GALNT1: variants seen among roughly 807,000 people sequenced by gnomAD.
The protein encoded by GALNT1 is GalNAc transferase 1.
Under a neutral mutation model 65.7 loss-of-function variants are expected in GALNT1, and 17 were observed. That is an observed-to-expected ratio of 0.26 (90% confidence interval 0.18 to 0.39). The LOEUF is 0.39. Among genes scored for constraint, GALNT1 ranks in the 10% least tolerant of loss-of-function variants. GALNT1 has a pLI of 1.00. For missense variants in GALNT1, 460 were observed against 672.8 expected (o/e 0.68, Z 3.50); for synonymous variants, 210 against 219.7 (o/e 0.96, Z 0.39).
At chr18:35,660,898 G>A (rs985574955) in intron 2 of GALNT1, among the ~76,000 whole-genome samples, 1 of 152,024 alleles carries the variant, frequency 6.6e-6, no homozygotes, top group Non-Finnish European at 1.5e-5. Flanking sequence ...TTTAAATGTG[G>A]CTCTGAAATT....
chr18:35,658,545 T>C lies in GALNT1; in HGVS notation c.139+3744T>C, dbSNP rs560725138. ...TAGGTGCTGAGAGGTCTTAAGTCTT[T>C]TCAGAGCCCAGAGGTTGTTAAGGTT... On this transcript the variant is annotated intron_variant, in intron 2 of 11. Coordinates refer to ENST00000269195, the MANE Select transcript of GALNT1 (RefSeq NM_020474.4). 6.6e-5 allele frequency among the ~76,000 whole-genome samples: 10 copies of C among 152,240 alleles called. No individual in the cohort carries two copies. The East Asian group carries it at 1.7e-3, about 26-fold the overall frequency.
At position 35,687,333 on chromosome 18, in the gene GALNT1, G is replaced by A. The variant is rs543322413; in HGVS notation, c.860+147G>A. 6.2e-5 allele frequency: 43 copies of A among 688,854 alleles called. 1 individual carries two copies. The South Asian group carries it at 1.4e-3, about 22-fold the overall frequency. 42.7% of individuals were successfully genotyped at this position (688,854 alleles called of 1,614,324 possible). ...TAGTTAACAGCCATCTTTCACATAT[G>A]TGAGTGTTTTAAAGAAGGATTTCTC... On this transcript the variant is annotated intron_variant, in intron 6 of 11. Transcript: ENST00000269195.
intron 10 of GALNT1, 51 bp from the exon 11 acceptor site, chr18:35,703,458 A>G: frequency 6.4e-7 from 1 of 1,559,640 alleles, no homozygotes; most frequent in South Asian, 1.1e-5. Flanking sequence ...GGCATTTAAA[A>G]TGCTGACTAA....
At chr18:35,667,782 C>T (rs1157318384) in intron 3 of GALNT1, among the ~76,000 whole-genome samples, 1 of 152,098 alleles carries the variant, frequency 6.6e-6, no homozygotes, top group East Asian at 1.9e-4. Flanking sequence ...TCTTCAGTTC[C>T]CTGTCCTGTG....
At chr18:35,581,577 C>CT (rs2046314594), upstream of GALNT1, among the ~76,000 whole-genome samples, 1 of 138,258 alleles carries the variant, frequency 7.2e-6, no homozygotes, top group Non-Finnish European at 1.6e-5. Context: ...CCCAAGTGAG[C>CT]GGGCAGGCGG....
intron 3 of GALNT1, among the ~76,000 whole-genome samples, chr18:35,668,070 T>C (rs2047574455): frequency 6.6e-6 from 1 of 152,194 alleles, no homozygotes; most frequent in South Asian, 2.1e-4. Context: ...TAGGTGATAA[T>C]ATATACCTTT....
chr18:35,693,472 G>A (rs1050700817), intron 9 of GALNT1, among the ~76,000 whole-genome samples: 6 of 152,190 alleles, frequency 3.9e-5, no homozygotes, highest in Admixed American at 1.3e-4. Context: ...GGAAGCTATC[G>A]AAAGATACCA....
chr18:35,669,741 ATGT>A lies in GALNT1; in HGVS notation c.314+5943_314+5945del, dbSNP rs532392825. Among the ~76,000 whole-genome samples the A allele has an allele frequency of 8.5e-4, 129 of 152,300 alleles. No individual in the cohort carries two copies. The Middle Eastern group carries it at 0.024, about 28-fold the overall frequency. ...CAGCAAATATCTATATTTAATAATA[ATGT>A]TGTAAGCTTTCCCTTTGAGATCTGG... On this transcript the variant is annotated intron_variant, in intron 3 of 11. Coordinates refer to ENST00000269195, the MANE Select transcript of GALNT1 (RefSeq NM_020474.4).
chr18:35,638,486 A>G (rs1469668186), intron 1 of GALNT1, among the ~76,000 whole-genome samples: 1 of 150,084 alleles, frequency 6.7e-6, no homozygotes, highest in African/African-American at 2.5e-5. Context: ...ACACAGCCCC[A>G]GCAGTCCTGC....
At chr18:35,642,569 G>A (rs966062212) in intron 1 of GALNT1, among the ~76,000 whole-genome samples, 1 of 152,138 alleles carries the variant, frequency 6.6e-6, no homozygotes, top group African/African-American at 2.4e-5. Context: ...GTGTTGTGTT[G>A]TGATCATTTA....
chr18:35,678,641 C>T (rs2047745635), intron 4 of GALNT1, among the ~76,000 whole-genome samples: 2 of 152,130 alleles, frequency 1.3e-5, no homozygotes, highest in African/African-American at 4.8e-5. Context: ...TTCCTGTGTT[C>T]GCATGAGAAA....
chr18:35,651,504 C>T (rs560605682), intron 1 of GALNT1, among the ~76,000 whole-genome samples: 32 of 152,156 alleles, frequency 2.1e-4, no homozygotes, highest in Admixed American at 1.3e-3. Context: ...GACATTGTTA[C>T]TATATTACTT....
intron 4 of GALNT1, among the ~76,000 whole-genome samples, chr18:35,680,899 A>G (rs1443220402): frequency 1.3e-5 from 2 of 152,192 alleles, no homozygotes; most frequent in African/African-American, 4.8e-5. Flanking sequence ...AGTTTATGTC[A>G]GAAGTTATGT....
intron 9 of GALNT1, among the ~76,000 whole-genome samples, chr18:35,692,621 C>A (rs922369324): frequency 6.6e-6 from 1 of 151,182 alleles, no homozygotes; most frequent in Non-Finnish European, 1.5e-5. Flanking sequence ...ACTGCACCAT[C>A]TGCAATTGTG....
chr18:35,648,782 G>T (rs1447067438), intron 1 of GALNT1, among the ~76,000 whole-genome samples: 2 of 152,104 alleles, frequency 1.3e-5, no homozygotes, highest in Non-Finnish European at 2.9e-5. Context: ...CATCATTTTA[G>T]GTTCAGTTGT....
At chr18:35,691,269 A>G in intron 8 of GALNT1, 77 bp downstream of exon 8, 2 of 1,336,904 alleles carry the variant, frequency 1.5e-6, no homozygotes, top group Non-Finnish European at 2.0e-6. Context: ...TAAGAAGGTT[A>G]GAAGTGAAGC....
intron 1 of GALNT1, among the ~76,000 whole-genome samples, chr18:35,612,457 TTTA>T (rs1451626975): frequency 1.3e-5 from 2 of 152,374 alleles, no homozygotes; most frequent in African/African-American, 4.8e-5. Flanking sequence ...GCCTATCGTG[TTTA>T]TTTTTATATT....
At chr18:35,631,459 A>T (rs2047008988) in intron 1 of GALNT1, among the ~76,000 whole-genome samples, 1 of 152,254 alleles carries the variant, frequency 6.6e-6, no homozygotes, top group African/African-American at 2.4e-5. Flanking sequence ...GAAAAGCCAC[A>T]TGATTATCTC....
At chr18:35,679,541 T>C (rs1013734270) in intron 4 of GALNT1, among the ~76,000 whole-genome samples, 10 of 152,132 alleles carry the variant, frequency 6.6e-5, no homozygotes, top group African/African-American at 2.4e-4. Context: ...AGGAAACTGG[T>C]GTGAGCAGAT....
Sources: gnomAD v4.1 joint callset for allele counts (sites outside exome capture counted in the v4.1 genomes callset) on GRCh38, gnomAD v4.1.1 for gene constraint, MANE v1.5 for transcripts, NCBI Gene and HGNC (gene_info 2026-07-23, HGNC 2026-07-21) for gene names.